TAF1B: variants seen among roughly 807,000 people sequenced by gnomAD.
TAF1B encodes TATA-box binding protein associated factor, RNA polymerase I subunit B.
TAF1B carries 61 observed loss-of-function variants against 83.9 expected under a neutral mutation model. The ratio of observed to expected loss-of-function variants is 0.73; its 90% confidence interval spans 0.59 to 0.90. The LOEUF is 0.90. Ranked by LOEUF, TAF1B falls within the 40% of genes least tolerant of loss-of-function variation. TAF1B has a pLI of 0.00. For synonymous variants in TAF1B, 221 were observed against 224.6 expected (o/e 0.98, Z 0.14); for missense variants, 625 against 677.0 (o/e 0.92, Z 0.85).
intron 6 of TAF1B, among the ~76,000 whole-genome samples, chr2:9,869,478 C>G (rs1664098170): frequency 6.6e-6 from 1 of 151,874 alleles, no homozygotes; most frequent in Admixed American, 6.6e-5. Context: ...CTGCTTCAGC[C>G]TCCCAAAGTG....
intron 14 of TAF1B, among the ~76,000 whole-genome samples, chr2:9,929,358 C>T (rs1264492944): frequency 6.6e-6 from 1 of 152,266 alleles, no homozygotes; most frequent in East Asian, 1.9e-4. Context: ...CGGGGTTTCA[C>T]CGTGTTAGCC....
At chr2:9,901,014 A>G (rs953608475) in intron 8 of TAF1B, among the ~76,000 whole-genome samples, 2 of 152,188 alleles carry the variant, frequency 1.3e-5, no homozygotes, top group Non-Finnish European at 2.9e-5. Context: ...ATCTTTTAGT[A>G]TAGAATTTTA....
At chr2:9,904,754 T>A in intron 8 of TAF1B, 105 bp from the exon 9 acceptor site, 2 of 1,138,822 alleles carry the variant, frequency 1.8e-6, no homozygotes, top group Non-Finnish European at 2.5e-6. Flanking sequence ...CCAGCATCTG[T>A]TATTTTTTTA....
intron 5 of TAF1B, among the ~76,000 whole-genome samples, chr2:9,855,374 C>T (rs976910011): frequency 1.3e-5 from 2 of 152,116 alleles, no homozygotes; most frequent in Non-Finnish European, 2.9e-5. Context: ...TAAGCTGAAA[C>T]TATCATTAAG....
intron 5 of TAF1B, among the ~76,000 whole-genome samples, chr2:9,865,517 A>G (rs1326218721): frequency 6.6e-6 from 1 of 152,202 alleles, no homozygotes; most frequent in South Asian, 2.1e-4. Flanking sequence ...CATACTGCCC[A>G]AGGTAATTTA....
intron 8 of TAF1B, among the ~76,000 whole-genome samples, chr2:9,888,805 T>TTTG (rs1664769378): frequency 1.4e-5 from 2 of 144,562 alleles, no homozygotes; most frequent in Non-Finnish European, 3.0e-5. Context: ...TTTTTTTTTT[T>TTTG]TTTTTTTTTT....
rs554871472 is a variant in TAF1B at position 9,880,681 on chromosome 2, G to T, written c.708-2025G>T. 1.4e-4 allele frequency among the ~76,000 whole-genome samples: 21 copies of T among 151,896 alleles called. No homozygotes were observed. In the South Asian group the frequency reaches 4.2e-3, roughly 30 times the overall value. Reference sequence around the variant, plus strand: ...GCAGGCTGTTTGTCTGACCTATTAGGGTGGGAGTGTGGAAGACCCTTCATC... The same window carrying T: ...GCAGGCTGTTTGTCTGACCTATTAGTGTGGGAGTGTGGAAGACCCTTCATC... On this transcript the variant is annotated intron_variant, in intron 7 of 14. Coordinates refer to ENST00000263663, the MANE Select transcript of TAF1B (RefSeq NM_005680.3).
chr2:9,873,491 T>C (rs1229877598), intron 6 of TAF1B, among the ~76,000 whole-genome samples: 1 of 152,148 alleles, frequency 6.6e-6, no homozygotes, highest in Admixed American at 6.6e-5. Flanking sequence ...TTCCTATCTC[T>C]AGTCCCACCT....
chr2:9,864,363 A>T (rs1252995247), intron 5 of TAF1B, among the ~76,000 whole-genome samples: 3 of 152,158 alleles, frequency 2.0e-5, no homozygotes, highest in African/African-American at 7.2e-5. Context: ...TTCCTCGACA[A>T]ATACACCTTC....
At chr2:9,893,151 A>G (rs1194962703) in intron 8 of TAF1B, among the ~76,000 whole-genome samples, 1 of 152,236 alleles carries the variant, frequency 6.6e-6, no homozygotes, top group African/African-American at 2.4e-5. Flanking sequence ...TAAGAGTAGT[A>G]CAAAGAATGC....
At chr2:9,893,948 A>C (rs1310754045) in intron 8 of TAF1B, among the ~76,000 whole-genome samples, 1 of 152,186 alleles carries the variant, frequency 6.6e-6, no homozygotes, top group Non-Finnish European at 1.5e-5. Flanking sequence ...CAGATATAGT[A>C]TATGTATTCT....
chr2:9,880,761 C>T (rs921782206), intron 7 of TAF1B, among the ~76,000 whole-genome samples: 4 of 152,062 alleles, frequency 2.6e-5, no homozygotes, highest in Admixed American at 1.3e-4. Context: ...CATGTATTAT[C>T]ACATAGGAGT....
intron 12 of TAF1B, chr2:9,913,631 A>T: frequency 6.3e-6 from 1 of 157,566 alleles, no homozygotes; most frequent in African/African-American, 2.4e-5. Flanking sequence ...TAAAAAGATT[A>T]CAAATGTTAC....
intron 8 of TAF1B, among the ~76,000 whole-genome samples, chr2:9,902,552 T>A (rs1463354657): frequency 6.6e-6 from 1 of 152,210 alleles, no homozygotes; most frequent in Non-Finnish European, 1.5e-5. Context: ...TTTTGAAGAT[T>A]GATTCATTGT....
chr2:9,871,528 T>G (rs1282613769), intron 6 of TAF1B, among the ~76,000 whole-genome samples: 1 of 152,210 alleles, frequency 6.6e-6, no homozygotes, highest in Non-Finnish European at 1.5e-5. Flanking sequence ...TAACGATATT[T>G]CATGCCTGAC....
intron 5 of TAF1B, among the ~76,000 whole-genome samples, chr2:9,863,514 C>T (rs1663851239): frequency 6.6e-6 from 1 of 152,152 alleles, no homozygotes; most frequent in African/African-American, 2.4e-5. Context: ...TTTAACACCC[C>T]ACTGTCAACA....
intron 5 of TAF1B, among the ~76,000 whole-genome samples, chr2:9,863,983 C>CA (rs1418921166): frequency 6.6e-6 from 1 of 151,998 alleles, no homozygotes; most frequent in Non-Finnish European, 1.5e-5. Flanking sequence ...TAAATGCCCA[C>CA]AAGAGAAAGC....
intron 11 of TAF1B, among the ~76,000 whole-genome samples, chr2:9,912,270 T>C (rs1665556464): frequency 1.3e-5 from 2 of 149,720 alleles, no homozygotes; most frequent in Admixed American, 6.6e-5. Context: ...TTTTTTTTTC[T>C]TTTAATGTAT....
intron 13 of TAF1B, 52 bp from the exon 14 acceptor site, chr2:9,919,546 T>C: frequency 6.7e-7 from 1 of 1,501,834 alleles, no homozygotes; most frequent in Non-Finnish European, 9.3e-7. Context: ...CAGGCTTTAT[T>C]TGTGATTTAA....
Sources: allele counts gnomAD v4.1 joint callset (sites outside exome capture counted in the v4.1 genomes callset), GRCh38; gene constraint gnomAD v4.1.1; transcripts MANE v1.5; gene names NCBI Gene and HGNC (gene_info 2026-07-23, HGNC 2026-07-21).